PLCB4: variants seen among roughly 807,000 people sequenced by gnomAD.
PLCB4 encodes 1-phosphatidylinositol 4,5-bisphosphate phosphodiesterase beta-4.
PLCB4 carries 77 observed loss-of-function variants against 178.8 expected under a neutral mutation model. That is an observed-to-expected ratio of 0.43 (90% CI 0.36 to 0.52). The LOEUF is 0.52. Among genes scored for constraint, PLCB4 ranks in the 20% least tolerant of loss-of-function variants. The probability of loss-of-function intolerance (pLI) is 0.00; values close to 1 mark genes in which losing one functional copy is unlikely to be tolerated. For missense variants in PLCB4, 1,024 were observed against 1,453.4 expected (o/e 0.70, Z 4.80); for synonymous variants, 496 against 490.8 (o/e 1.01, Z -0.14).
chr20:9,097,232 C>CTTTTTTTTTTTTTTTTTTTTTTTTTTTTT (rs544568591), intron 2 of PLCB4, among the ~76,000 whole-genome samples: 1 of 81,076 alleles, frequency 1.2e-5, no homozygotes, highest in African/African-American at 5.0e-5. Flanking sequence ...ACAGCCTGGC[C>CTTTTTTTTTTTTTTTTTTTTTTTTTTTTT]TTTTTTTTTT....
intron 38 of PLCB4, among the ~76,000 whole-genome samples, chr20:9,474,237 C>T (rs1393150692): frequency 1.3e-5 from 2 of 151,344 alleles, no homozygotes; most frequent in East Asian, 3.9e-4. Context: ...AAAGGAGTTA[C>T]CCAAACACCA....
rs1030158186 is a variant in PLCB4, at chr20:9,069,094, GACAC to G, written c.-240_-237del. On this transcript the variant is annotated 5_prime_UTR_variant, in exon 1 of 40. Transcript: ENST00000378473. ...CCGCCAACAAGATCTCTCACACACA[GACAC>G]ACACACGCACACGCACACACGGGCG... The G allele has an allele frequency of 2.6e-5, 4 of 152,988 alleles. No individual in the cohort carries two copies. Among genetic ancestry groups the G allele is most frequent in the African/African-American group, 9.7e-5 (4 of 41,432 alleles). 9.5% of individuals were successfully genotyped at this position (152,988 alleles called of 1,614,324 possible). A position where few individuals can be genotyped will look rare whatever the true frequency, so the allele number is the denominator to read the frequency against.
At chr20:9,149,393 A>G (rs1035326302) in intron 2 of PLCB4, among the ~76,000 whole-genome samples, 2 of 152,284 alleles carry the variant, frequency 1.3e-5, no homozygotes, top group Non-Finnish European at 2.9e-5. Flanking sequence ...TCTGTCAGTC[A>G]TTCTCACATC....
At chr20:9,432,207 C>T (rs1476232738) in intron 28 of PLCB4, among the ~76,000 whole-genome samples, 1 of 151,752 alleles carries the variant, frequency 6.6e-6, no homozygotes, top group East Asian at 1.9e-4. Flanking sequence ...AAAAATGACA[C>T]AAAAATATAC....
intron 4 of PLCB4, among the ~76,000 whole-genome samples, chr20:9,325,589 C>T (rs1374442459): frequency 6.6e-6 from 1 of 152,204 alleles, no homozygotes; most frequent in East Asian, 1.9e-4. Flanking sequence ...CAAACCTAGA[C>T]AGATCCGGAG....
chr20:9,314,295 A>C (rs2147915713), intron 4 of PLCB4, among the ~76,000 whole-genome samples: 1 of 152,304 alleles, frequency 6.6e-6, no homozygotes, highest in South Asian at 2.1e-4. Flanking sequence ...ACCAGTGACA[A>C]GTGGATGTGG....
At chr20:9,068,809 G>A (rs540456724), upstream of PLCB4, 3 of 151,618 alleles carry the variant, frequency 2.0e-5, no homozygotes, top group East Asian at 3.9e-4. Context: ...GGCCCGGAGC[G>A]GGGGACGCGC....
chr20:9,254,613 T>C (rs1201429144), intron 3 of PLCB4, among the ~76,000 whole-genome samples: 1 of 152,088 alleles, frequency 6.6e-6, no homozygotes, highest in African/African-American at 2.4e-5. Flanking sequence ...CACAGGAATC[T>C]CTTGAATCTG....
At position 9,479,106 on chromosome 20, in the gene PLCB4, A is replaced by G; in HGVS notation, c.*97A>G. 1 of 820,680 alleles carries G rather than the reference A, an allele frequency of 1.2e-6. No homozygotes were observed. Among genetic ancestry groups the G allele is most frequent in the Non-Finnish European group, 2.1e-6 (1 of 485,888 alleles). The allele number at this position is 820,680 out of a possible 1,614,324, so 50.8% of individuals were successfully genotyped here. Reference sequence around the variant, plus strand: ...GTTTATTTTGTTTCCTTTATGTGTAAACAAGATGATATCTGAAACCAGAGA... The same window carrying G: ...GTTTATTTTGTTTCCTTTATGTGTAGACAAGATGATATCTGAAACCAGAGA... On this transcript the variant is annotated 3_prime_UTR_variant, in exon 40 of 40. Transcript: ENST00000378473.
chr20:9,372,478 C>T, intron 11 of PLCB4, 75 bp downstream of exon 11: 1 of 716,312 alleles, frequency 1.4e-6, no homozygotes, highest in Non-Finnish European at 2.4e-6. Context: ...CGTTTTTGTC[C>T]TATTTTAATA....
intron 2 of PLCB4, among the ~76,000 whole-genome samples, chr20:9,175,449 C>T (rs574164740): frequency 6.6e-5 from 10 of 152,088 alleles, no homozygotes; most frequent in African/African-American, 2.4e-4. Flanking sequence ...GTCCAAGTAA[C>T]CTTATTTCAC....
At chr20:9,417,413 G>A (rs1449952329) in intron 25 of PLCB4, among the ~76,000 whole-genome samples, 2 of 151,918 alleles carry the variant, frequency 1.3e-5, no homozygotes, top group Non-Finnish European at 2.9e-5. Flanking sequence ...CTCTATATTT[G>A]CCTATTCTGA....
chr20:9,448,845 A>G (rs16995933), intron 32 of PLCB4, among the ~76,000 whole-genome samples: 3,158 of 152,224 alleles, frequency 0.021, 103 homozygotes, highest in African/African-American at 0.07. Context: ...CTTATTTCCA[A>G]ACTTGCAGGT....
chr20:9,196,195 A>T (rs2093470545), intron 2 of PLCB4, among the ~76,000 whole-genome samples: 1 of 152,216 alleles, frequency 6.6e-6, no homozygotes, highest in Non-Finnish European at 1.5e-5. Flanking sequence ...GTTATAGCAG[A>T]GGTCACTACA....
chr20:9,153,006 T>C (rs569160696), intron 2 of PLCB4, among the ~76,000 whole-genome samples: 8 of 152,286 alleles, frequency 5.3e-5, no homozygotes, highest in African/African-American at 1.7e-4. Flanking sequence ...GATTTCAGAC[T>C]TGTATCGGCC....
chr20:9,165,740 C>G (rs182614532), intron 2 of PLCB4, among the ~76,000 whole-genome samples: 4 of 151,188 alleles, frequency 2.6e-5, no homozygotes, highest in African/African-American at 9.7e-5. Context: ...TTGGGAAATG[C>G]CAAATTTTTT....
intron 3 of PLCB4, among the ~76,000 whole-genome samples, chr20:9,222,911 G>A (rs766713250): frequency 2.0e-5 from 3 of 152,196 alleles, no homozygotes; most frequent in East Asian, 1.9e-4. Flanking sequence ...AGGCAGCACC[G>A]TGGTCCAGAG....
chr20:9,199,261 C>T (rs773061406), intron 2 of PLCB4, among the ~76,000 whole-genome samples: 40 of 152,078 alleles, frequency 2.6e-4, no homozygotes, highest in Non-Finnish European at 4.4e-4. Context: ...TAGGGAAGTA[C>T]ATTGGGTTTG....
intron 3 of PLCB4, among the ~76,000 whole-genome samples, chr20:9,279,476 G>C (rs1173889190): frequency 3.9e-5 from 6 of 151,992 alleles, no homozygotes; most frequent in Non-Finnish European, 8.8e-5. Flanking sequence ...GGACAGACAG[G>C]ATTGGAAGAT....
Sources: allele counts gnomAD v4.1 joint callset (sites outside exome capture counted in the v4.1 genomes callset), GRCh38; gene constraint gnomAD v4.1.1; transcripts MANE v1.5; gene names NCBI Gene and HGNC (gene_info 2026-07-23, HGNC 2026-07-21).